PRDM16: variants seen among roughly 807,000 people sequenced by gnomAD.
PRDM16 encodes PR/SET domain 16.
PRDM16 carries 23 observed loss-of-function variants against 110.6 expected under a neutral mutation model. The ratio of observed to expected loss-of-function variants is 0.21; its 90% CI spans 0.15 to 0.29. The LOEUF is 0.29. Ranked by LOEUF, PRDM16 falls within the 10% of genes least tolerant of loss-of-function variation. The pLI is 1.00. For synonymous variants in PRDM16, 799 were observed against 781.8 expected (o/e 1.02, Z -0.37); for missense variants, 1,615 against 1,794.3 (o/e 0.90, Z 1.81).
intron 3 of PRDM16, among the ~76,000 whole-genome samples, chr1:3,270,173 TGGA>T (rs1315988514): frequency 1.1e-3 from 143 of 128,656 alleles, no homozygotes; most frequent in African/African-American, 3.5e-3. Flanking sequence ...AGAATAGTCC[TGGA>T]GGAGGACAGT....
At chr1:3,186,101 T>G in intron 1 of PRDM16, 24 bp from the exon 2 acceptor site, 2 of 1,586,362 alleles carry the variant, frequency 1.3e-6, no homozygotes, top group Non-Finnish European at 1.7e-6. Context: ...GCTGCAGAGG[T>G]TGACGCTGCG....
In PRDM16 at chr1:3,434,591, T is replaced by C. The variant is rs1638857866; in HGVS notation, c.*780T>C. 2 of 232,174 alleles carry C rather than the reference T, an allele frequency of 8.6e-6. No homozygotes were observed. Among genetic ancestry groups the C allele is most frequent in the East Asian group, 1.2e-4 (2 of 16,424 alleles). 14.4% of individuals were successfully genotyped at this position (232,174 alleles called of 1,614,324 possible). On this transcript the variant is annotated 3_prime_UTR_variant, in exon 17 of 17. Transcript: ENST00000270722. Reference sequence around the variant, plus strand: ...AAGTCTTAGGCAGGGCGCCCTGGGCTGCAGGCCTGCCCGAGGCTGGGATGG... The same window carrying C: ...AAGTCTTAGGCAGGGCGCCCTGGGCCGCAGGCCTGCCCGAGGCTGGGATGG...
chr1:3,129,384 T>C (rs1013989673), intron 1 of PRDM16, among the ~76,000 whole-genome samples: 1 of 149,976 alleles, frequency 6.7e-6, no homozygotes, highest in East Asian at 2.0e-4. Flanking sequence ...TGGGTGCGTG[T>C]GCACGTGTGT....
At position 3,142,663 on chromosome 1, in the gene PRDM16, G is replaced by A. The variant is rs569751841; in HGVS notation, c.38-43462G>A. 2.6e-4 allele frequency among the ~76,000 whole-genome samples: 40 copies of A among 152,266 alleles called. No homozygotes were observed. In the South Asian group the frequency reaches 5.4e-3, roughly 21 times the overall value. The stretch of plus-strand genomic sequence containing the variant: ...GGACCCCAGGGTGCGCACAGGCAAC[G>A]GAACGCCTGGGATTCCCAAGCCTCG... On this transcript the variant is annotated intron_variant, in intron 1 of 16. Transcript: ENST00000270722.
rs191101154 is a variant in PRDM16 at position 3,197,749 on chromosome 1, C to T, written c.387+11275C>T. On this transcript the variant is annotated intron_variant, in intron 2 of 16. Coordinates refer to ENST00000270722, the MANE Select transcript of PRDM16 (RefSeq NM_022114.4). The stretch of plus-strand genomic sequence containing the variant: ...GTGGCCTGGCGGCTCCCTGGAGAGG[C>T]CCCCTGAGGCCTGTGGGCCAGCTCC... Among the ~76,000 whole-genome samples, 114 of 152,326 alleles carry T rather than the reference C, an allele frequency of 7.5e-4. No individual in the cohort carries two copies. In the East Asian group the frequency reaches 0.021, roughly 28 times the overall value.
intron 1 of PRDM16, among the ~76,000 whole-genome samples, chr1:3,160,523 G>A (rs1374245232): frequency 3.3e-5 from 5 of 152,190 alleles, no homozygotes; most frequent in Admixed American, 2.6e-4. Context: ...GGGTAAGGGC[G>A]ACACAAGGGG....
intron 1 of PRDM16, among the ~76,000 whole-genome samples, chr1:3,082,667 C>G (rs1037667136): frequency 6.6e-6 from 1 of 152,224 alleles, no homozygotes; most frequent in African/African-American, 2.4e-5. Flanking sequence ...ACCCCCTCCC[C>G]CAGGATCTGG....
chr1:3,244,190 T>G lies in PRDM16; in HGVS notation c.438+53T>G. 6.4e-6 allele frequency: 10 copies of G among 1,551,958 alleles called. No individual in the cohort carries two copies. Among genetic ancestry groups the G allele is most frequent in the Non-Finnish European group, 8.0e-6 (9 of 1,125,586 alleles). ...AGCTCCCCAGCGTCCTCGGAGCTCC[T>G]GGCGGGGCGACCGCCATCCCAGCTG... is the stretch of plus-strand genomic sequence containing the variant. On this transcript the variant is annotated intron_variant, in intron 3 of 16. Coordinates refer to ENST00000270722, the MANE Select transcript of PRDM16 (RefSeq NM_022114.4). The surrounding 1 kb of genome is among the most constrained non-coding windows in gnomAD (Gnocchi z 4.1).
At chr1:3,204,891 C>T (rs1482257346) in intron 2 of PRDM16, among the ~76,000 whole-genome samples, 1 of 152,142 alleles carries the variant, frequency 6.6e-6, no homozygotes, top group Non-Finnish European at 1.5e-5. Flanking sequence ...GAGTGGGACC[C>T]CCGTTGGGGG....
chr1:3,349,416 C>T (rs548268305), intron 3 of PRDM16, among the ~76,000 whole-genome samples: 36 of 152,334 alleles, frequency 2.4e-4, no homozygotes, highest in African/African-American at 8.4e-4. Flanking sequence ...GGTCAGGCTC[C>T]CAGCAAGTGG....
intron 16 of PRDM16, 61 bp downstream of exon 16, chr1:3,432,201 A>G (rs1638787944): frequency 6.7e-7 from 1 of 1,485,662 alleles, no homozygotes; most frequent in Non-Finnish European, 9.3e-7. Context: ...GAGGACAGCC[A>G]GCACTCCTCT....
chr1:3,106,155 C>T (rs1327519492), intron 1 of PRDM16, among the ~76,000 whole-genome samples: 18 of 138,500 alleles, frequency 1.3e-4, no homozygotes, highest in East Asian at 2.5e-4. Flanking sequence ...GCAGGGTGGG[C>T]GGGGTATGGG....
chr1:3,180,266 A>C (rs563337057), intron 1 of PRDM16, among the ~76,000 whole-genome samples: 2 of 151,792 alleles, frequency 1.3e-5, no homozygotes, highest in East Asian at 3.9e-4. Flanking sequence ...AGGAATCATG[A>C]AGTATGTTCT....
intron 2 of PRDM16, among the ~76,000 whole-genome samples, chr1:3,225,571 T>TGCGCGCGC (rs1374895567): frequency 2.3e-4 from 25 of 107,666 alleles, no homozygotes; most frequent in African/African-American, 8.5e-4. Context: ...TGTGTGTGTG[T>TGCGCGCGC]GTGCGCGCGC....
chr1:3,109,773 C>T (rs961705966), intron 1 of PRDM16, among the ~76,000 whole-genome samples: 2 of 152,230 alleles, frequency 1.3e-5, no homozygotes, highest in Non-Finnish European at 2.9e-5. Flanking sequence ...AGCCAAATTT[C>T]CCCCCAAATA....
At position 3,370,130 on chromosome 1, in the gene PRDM16, A is replaced by G. The variant is rs1483602135; in HGVS notation, c.439-15022A>G. Among the ~76,000 whole-genome samples, 2 of 152,104 alleles carry G rather than the reference A, an allele frequency of 1.3e-5. No individual in the cohort carries two copies. The highest frequency in any genetic ancestry group is 2.4e-5 in the African/African-American group (1 of 41,416). On this transcript the variant is annotated intron_variant, in intron 3 of 16. Coordinates refer to ENST00000270722, the MANE Select transcript of PRDM16 (RefSeq NM_022114.4). This position sits in a 1 kb window ranked among gnomAD's most constrained non-coding sequence, Gnocchi z 4.8. ...ACCAGACTTTTGCTAAGCACCTACT[A>G]TGTGCCAGGGCCCAAAGGGTGCTGA...
chr1:3,429,409 C>G (rs531661501), intron 14 of PRDM16, among the ~76,000 whole-genome samples: 35 of 152,382 alleles, frequency 2.3e-4, no homozygotes, highest in African/African-American at 7.5e-4. Context: ...GTCCCTGCCC[C>G]CAGCTGGTGG....
intron 1 of PRDM16, among the ~76,000 whole-genome samples, chr1:3,070,744 C>T (rs536481286): frequency 4.6e-5 from 7 of 152,224 alleles, no homozygotes; most frequent in East Asian, 3.9e-4. Context: ...GGGGCCCGCC[C>T]GGCTCGTCCC....
At chr1:3,401,741 A>G (rs556159288) in intron 5 of PRDM16, among the ~76,000 whole-genome samples, 1 of 152,360 alleles carries the variant, frequency 6.6e-6, no homozygotes, top group African/African-American at 2.4e-5. Context: ...CATAACACAA[A>G]TGCACACACA....
Sources: gnomAD v4.1 joint callset for allele counts (sites outside exome capture counted in the v4.1 genomes callset) on GRCh38, gnomAD v4.1.1 for gene constraint, Gnocchi (gnomAD v3.1) non-coding constraint, MANE v1.5 for transcripts, NCBI Gene and HGNC (gene_info 2026-07-23, HGNC 2026-07-21) for gene names.